Variants in RBPJ observed in about 807,000 individuals in gnomAD.
RBPJ encodes recombining binding protein suppressor of hairless.
RBPJ carries 9 observed loss-of-function variants against 67.8 expected under a neutral mutation model. That is an observed-to-expected ratio of 0.13 (90% CI 0.08 to 0.23). RBPJ has a LOEUF of 0.23. RBPJ is among the 10% of genes least tolerant of loss of function. The pLI, the probability that RBPJ is intolerant of heterozygous loss-of-function variation, is 1.00. For synonymous variants in RBPJ, 198 were observed against 203.3 expected, an observed-to-expected ratio of 0.97 and a Z score of 0.22; for missense variants, 305 against 595.6, an observed-to-expected ratio of 0.51 and a Z score of 5.08.
intron 1 of RBPJ, among the ~76,000 whole-genome samples, chr4:26,210,516 T>C (rs1164681647): frequency 1.3e-5 from 2 of 152,280 alleles, no homozygotes; most frequent in East Asian, 3.9e-4. Flanking sequence ...AGAAGCTATA[T>C]GACGTTAATC....
At chr4:26,245,264 A>C (rs911230934) in intron 1 of RBPJ, among the ~76,000 whole-genome samples, 11 of 132,292 alleles carry the variant, frequency 8.3e-5, no homozygotes, top group African/African-American at 3.3e-4. Flanking sequence ...GCTGGAGTCC[A>C]GTGGTGCAAT....
At chr4:26,283,224 C>T (rs920363577) in intron 1 of RBPJ, among the ~76,000 whole-genome samples, 10 of 150,088 alleles carry the variant, frequency 6.7e-5, no homozygotes, top group African/African-American at 1.7e-4. Flanking sequence ...CCACCGCTCC[C>T]GGCCTCTTAT....
intron 1 of RBPJ, among the ~76,000 whole-genome samples, chr4:26,245,032 G>A (rs911347467): frequency 1.3e-5 from 2 of 150,928 alleles, no homozygotes; most frequent in African/African-American, 2.4e-5. Context: ...CATACCATAA[G>A]AATCACCTTC....
intron 1 of RBPJ, among the ~76,000 whole-genome samples, chr4:26,355,504 A>C (rs1457474833): frequency 1.6e-5 from 2 of 126,668 alleles, no homozygotes. Flanking sequence ...AAAAAAAAAA[A>C]TGGGTGTGGG....
At chr4:26,380,824 A>G (rs1332737518) in intron 1 of RBPJ, among the ~76,000 whole-genome samples, 5 of 151,754 alleles carry the variant, frequency 3.3e-5, no homozygotes, top group Admixed American at 3.3e-4. Flanking sequence ...TTTAATTTTA[A>G]TCCCATTATT....
intron 1 of RBPJ, among the ~76,000 whole-genome samples, chr4:26,363,290 C>T (rs1030391228): frequency 3.3e-5 from 5 of 152,166 alleles, no homozygotes; most frequent in African/African-American, 7.2e-5. Flanking sequence ...TAGGCACTCA[C>T]CACTATACCT....
chr4:26,404,928 C>T (rs1444887849), intron 2 of RBPJ, among the ~76,000 whole-genome samples: 2 of 152,290 alleles, frequency 1.3e-5, no homozygotes, highest in East Asian at 3.9e-4. Context: ...CATAGGCGTT[C>T]CCTTATTGGT....
rs116623675 is a variant in RBPJ, at chr4:26,342,426, T to C, written c.20+21378T>C. Among the ~76,000 whole-genome samples, 672 of 152,322 alleles carry C rather than the reference T, an allele frequency of 4.4e-3. 7 individuals carry two copies. The highest frequency in any genetic ancestry group is 0.015 in the African/African-American group (618 of 41,566). ...TGGTGGGAGAAATGGAATTCAAACC[T>C]GTATCTCCAGATTTCAGTTCCATTG... On this transcript the variant is annotated intron_variant, in intron 1 of 10. Transcript: ENST00000355476.
chr4:26,175,510 G>T (rs1577437036), intron 1 of RBPJ, among the ~76,000 whole-genome samples: 1 of 152,166 alleles, frequency 6.6e-6, no homozygotes, highest in Non-Finnish European at 1.5e-5. Context: ...GAGGTTTCTG[G>T]GGCACCCAGT....
intron 1 of RBPJ, among the ~76,000 whole-genome samples, chr4:26,234,061 G>A (rs1189152538): frequency 1.3e-5 from 2 of 152,216 alleles, no homozygotes; most frequent in Admixed American, 6.5e-5. Context: ...GGGGCTTCCT[G>A]TTTTGAATTT....
intron 1 of RBPJ, among the ~76,000 whole-genome samples, chr4:26,329,360 C>T (rs1275100488): frequency 1.3e-5 from 2 of 152,098 alleles, no homozygotes; most frequent in African/African-American, 4.8e-5. Flanking sequence ...AATTGGTGGA[C>T]ACCATAAGAG....
chr4:26,255,994 C>G (rs1720331693), intron 1 of RBPJ, among the ~76,000 whole-genome samples: 1 of 152,084 alleles, frequency 6.6e-6, no homozygotes, highest in Non-Finnish European at 1.5e-5. Context: ...ATGGTTCATA[C>G]TTAAGCATTA....
chr4:26,219,340 C>T (rs928765640), intron 1 of RBPJ, among the ~76,000 whole-genome samples: 2 of 152,014 alleles, frequency 1.3e-5, no homozygotes, highest in South Asian at 2.1e-4. Flanking sequence ...AGGATCAGGG[C>T]GGAATACTTG....
intron 2 of RBPJ, among the ~76,000 whole-genome samples, chr4:26,394,093 C>G (rs1180978045): frequency 2.0e-5 from 3 of 149,104 alleles, no homozygotes; most frequent in African/African-American, 7.5e-5. Flanking sequence ...GTGGCGCGAT[C>G]TCTGCTCATT....
chr4:26,397,587 T>A lies in RBPJ; in HGVS notation c.60-8588T>A, dbSNP rs191934084. ...TATATTTTAGGCTTTGAGGGCCACA[T>A]ACTATCTCTGTTGCATATTATTAGT... On this transcript the variant is annotated intron_variant, in intron 2 of 10. Transcript: ENST00000355476. 3.7e-3 allele frequency among the ~76,000 whole-genome samples: 561 copies of A among 152,316 alleles called. 4 individuals are homozygous for A. The highest frequency in any genetic ancestry group is 0.013 in the African/African-American group (537 of 41,582).
At chr4:26,343,739 CTTTTTTTTTTTTTTTTTTT>C (rs71186404) in intron 1 of RBPJ, among the ~76,000 whole-genome samples, 1 of 55,836 alleles carries the variant, frequency 1.8e-5, no homozygotes, top group Non-Finnish European at 3.3e-5. Flanking sequence ...TTTCTTTCTT[CTTTTTTTTTTTTTTTTTTT>C]TTTTTTTTTG....
At chr4:26,417,305 G>C (rs1309473739) in intron 4 of RBPJ, among the ~76,000 whole-genome samples, 1 of 152,090 alleles carries the variant, frequency 6.6e-6, no homozygotes, top group East Asian at 1.9e-4. Context: ...CTTGCCTTTC[G>C]CAGCATTGTG....
chr4:26,120,650 A>G, the RBPJ span, among the ~76,000 whole-genome samples: 1 of 146,320 alleles, frequency 6.8e-6, no homozygotes, highest in Non-Finnish European at 1.5e-5. Flanking sequence ...GGCTCATCTC[A>G]TGTTTCCTAA....
upstream of RBPJ, among the ~76,000 whole-genome samples, chr4:26,158,548 T>A (rs990705425): frequency 6.6e-6 from 1 of 152,202 alleles, no homozygotes; most frequent in Non-Finnish European, 1.5e-5. Flanking sequence ...ACCTTCCTTG[T>A]GCACAGAGCA....
Sources: allele counts gnomAD v4.1 joint callset (sites outside exome capture counted in the v4.1 genomes callset), GRCh38; gene constraint gnomAD v4.1.1; transcripts MANE v1.5; gene names NCBI Gene and HGNC (gene_info 2026-07-23, HGNC 2026-07-21).